Variants in HEXA observed in about 807,000 individuals in gnomAD.
HEXA encodes hexosaminidase subunit alpha.
HEXA carries 54 observed loss-of-function variants against 73.3 expected under a neutral mutation model. The ratio of observed to expected loss-of-function variants is 0.74; its 90% confidence interval spans 0.59 to 0.92. The LOEUF (loss-of-function observed/expected upper bound fraction) is 0.92, where lower values mean the gene tolerates loss of function less well. HEXA is among the 40% of genes least tolerant of loss of function. The pLI is 0.00. For missense variants in HEXA, 649 were observed against 653.0 expected (o/e 0.99, Z 0.07); for synonymous variants, 230 against 246.9 (o/e 0.93, Z 0.64).
chr15:72,354,069 A>C, intron 3 of HEXA: 10 of 379,388 alleles, frequency 2.6e-5, no homozygotes, highest in East Asian at 5.6e-5. Flanking sequence ...ACATATACTC[A>C]TGAGGACAGA....
intron 8 of HEXA, 124 bp from the exon 9 acceptor site, chr15:72,348,258 T>TC (rs1382942589): frequency 1.4e-6 from 1 of 732,690 alleles, no homozygotes; most frequent in Admixed American, 2.0e-5. Context: ...AGCAAGGATC[T>TC]CAGAAGCCCT....
Position 72,352,157 on chromosome 15 carries a change from C to T in HEXA, c.570+911G>A, listed in dbSNP as rs1217803955. Among the ~76,000 whole-genome samples, 9 of 152,084 alleles carry T rather than the reference C, an allele frequency of 5.9e-5. No homozygotes were observed. In the East Asian group the frequency reaches 1.4e-3, roughly 23 times the overall value. ...ATTTTCAGTAGAGATGGGGTTTCAC[C>T]GTCTTGGCCAGGTTAGTCTCAAACT... On this transcript the variant is annotated intron_variant, in intron 5 of 13. Coordinates refer to ENST00000268097, the MANE Select transcript of HEXA (RefSeq NM_000520.6).
intron 12 of HEXA, 155 bp downstream of exon 12, chr15:72,346,080 G>T: frequency 1.5e-6 from 1 of 667,820 alleles, no homozygotes; most frequent in South Asian, 1.7e-5. Context: ...AGTGAATATT[G>T]CACACAAATC....
At chr15:72,357,939 G>A (rs1403335702) in intron 1 of HEXA, 3 of 152,128 alleles carry the variant, frequency 2.0e-5, no homozygotes, top group African/African-American at 7.2e-5. Flanking sequence ...CTGCAAAGAG[G>A]AGGGAATCTG....
rs746518979 is a variant in HEXA, at chr15:72,348,074, C to T, written c.1047G>A (p.Lys349=). Residue 349 remains lysine (K), a synonymous_variant, in exon 9 of 14, where the codon AAG becomes AAA. Transcript: ENST00000268097. ...TCTGGATGTAGAAGGACTCCAGCTG[C>T]TTGAAGTCCTCACCGAAGCCTTTCT... is the stretch of plus-strand genomic sequence containing the variant. The part of the protein sequence containing the change: ...MRKKGFGEDF[K]QLESFYIQTL... 3.1e-6 allele frequency: 5 copies of T among 1,613,196 alleles called. No homozygotes were observed. In the Admixed American group the frequency reaches 6.7e-5, roughly 21 times the overall value.
rs2088682007 is a variant in HEXA, at chr15:72,350,591, T to C, written c.732A>G (p.Glu244=). 2 of 1,614,184 alleles carry C rather than the reference T, an allele frequency of 1.2e-6. No individual in the cohort carries two copies. Among genetic ancestry groups the C allele is most frequent in the Middle Eastern group, 1.7e-4 (1 of 6,048 alleles). The change falls in exon 7 of 14, where the codon GAA becomes GAG. Residue 244 remains glutamate, a synonymous_variant. Transcript: ENST00000268097. ...CACGGATACCCCGGAGCCGTGCGTA[T>C]TCAATGACCTCCTTCACATCCTGTG... ...YTAQDVKEVI[E]YARLRGIRVL...
At chr15:72,348,187 T>C (rs1595798469) in intron 8 of HEXA, 53 bp from the exon 9 acceptor site, 1 of 1,270,524 alleles carries the variant, frequency 7.9e-7, no homozygotes, top group East Asian at 2.3e-5. Context: ...GAAAGCCTAA[T>C]GCCTGGGGAT....
chr15:72,360,756 A>C (rs2088842722), intron 1 of HEXA, among the ~76,000 whole-genome samples: 1 of 152,158 alleles, frequency 6.6e-6, no homozygotes, highest in African/African-American at 2.4e-5. Context: ...TGGTTCTAAC[A>C]CTTTCTAGCT....
chr15:72,367,356 G>A (rs1213566155), intron 1 of HEXA, among the ~76,000 whole-genome samples: 1 of 152,154 alleles, frequency 6.6e-6, no homozygotes, highest in African/African-American at 2.4e-5. Flanking sequence ...AAATCTGGGA[G>A]TCATCCTCAG....
intron 1 of HEXA, chr15:72,360,122 T>C (rs1384716782): frequency 6.5e-6 from 1 of 153,142 alleles, no homozygotes; most frequent in Non-Finnish European, 1.5e-5. Flanking sequence ...GTCTCTTTTC[T>C]TCTGTCACAA....
In HEXA at chr15:72,344,143, G is replaced by A; in HGVS notation, c.1527-3C>T. 5 of 1,613,226 alleles carry A rather than the reference G, an allele frequency of 3.1e-6. No homozygotes were observed. Among genetic ancestry groups the A allele is most frequent in the Non-Finnish European group, 4.2e-6 (5 of 1,179,282 alleles). On this transcript the variant is annotated splice_region_variant and splice_polypyrimidine_tract_variant and intron_variant, in intron 13 of 13. Transcript: ENST00000268097. Reference sequence around the variant, plus strand: ...GGGGTTGGGCCTGGACACCTCGCCTGCAAGAGGACATGAAGAAATGGCAAG... The same window carrying A: ...GGGGTTGGGCCTGGACACCTCGCCTACAAGAGGACATGAAGAAATGGCAAG...
intron 13 of HEXA, 28 bp from the exon 14 acceptor site, chr15:72,344,168 G>C (rs1344203077): frequency 6.2e-7 from 1 of 1,601,414 alleles, no homozygotes. Context: ...GAAATGGCAA[G>C]ATAAGCCCCT....
chr15:72,365,230 C>T (rs1202648824), intron 1 of HEXA, among the ~76,000 whole-genome samples: 1 of 152,228 alleles, frequency 6.6e-6, no homozygotes, highest in East Asian at 1.9e-4. Flanking sequence ...GCTGGGACCA[C>T]AGGCGCACGC....
chr15:72,343,958 CAGGGGCACGCAGGCA>C lies in HEXA; in HGVS notation c.*104_*118del. 5.0e-6 allele frequency: 4 copies of C among 806,476 alleles called. No homozygotes were observed. The highest frequency in any genetic ancestry group is 2.5e-5 in the East Asian group (1 of 39,256). 50.0% of individuals were successfully genotyped at this position (806,476 alleles called of 1,614,324 possible). ...GCACCGGCCCCTTTCTCTCCAAGCACAGGGGCACGCAGGCAAGGGGCACGAAGGCAAGGGGCTCCG... is the reference window on the plus strand; with the variant it reads ...GCACCGGCCCCTTTCTCTCCAAGCACAGGGGCACGAAGGCAAGGGGCTCCG... On this transcript the variant is annotated 3_prime_UTR_variant, in exon 14 of 14. Transcript: ENST00000268097.
chr15:72,366,792 T>A (rs564858820), intron 1 of HEXA, among the ~76,000 whole-genome samples: 4 of 152,120 alleles, frequency 2.6e-5, no homozygotes, highest in Non-Finnish European at 5.9e-5. Flanking sequence ...TTTTGGACCT[T>A]CTTCTCCTCG....
chr15:72,343,044 A>G lies in HEXA; in HGVS notation c.*1033T>C, dbSNP rs1417129333. 2 of 152,166 alleles carry G rather than the reference A, an allele frequency of 1.3e-5. No individual in the cohort carries two copies. Among genetic ancestry groups the G allele is most frequent in the Non-Finnish European group, 2.9e-5 (2 of 68,056 alleles). 9.4% of individuals were successfully genotyped at this position (152,166 alleles called of 1,614,324 possible). A position where few individuals can be genotyped will look rare whatever the true frequency, so the allele number is the denominator to read the frequency against. On this transcript the variant is annotated 3_prime_UTR_variant, in exon 14 of 14. Coordinates refer to ENST00000268097, the MANE Select transcript of HEXA (RefSeq NM_000520.6). ...AGACCATCCTGGCTAACACGGAGAA[A>G]CCCCATCTCTACTAAAAATACAAAA...
chr15:72,368,316 G>A (rs898093257), intron 1 of HEXA, among the ~76,000 whole-genome samples: 8 of 152,166 alleles, frequency 5.3e-5, no homozygotes, highest in Admixed American at 3.3e-4. Flanking sequence ...TGACAAAGAC[G>A]TGTATGAGTA....
rs762704131 is a variant in HEXA, at chr15:72,348,089, G to A, written c.1032C>T (p.Phe344=). ...ACTCCAGCTGCTTGAAGTCCTCACC[G>A]AAGCCTTTCTTCCTCATAAAGTCCT... ...EIQDFMRKKG[F]GEDFKQLESF... The change falls in exon 9 of 14, where the codon TTC becomes TTT. Residue 344 remains phenylalanine, a synonymous_variant. Coordinates refer to ENST00000268097, the MANE Select transcript of HEXA (RefSeq NM_000520.6). 2.0e-5 allele frequency: 32 copies of A among 1,613,364 alleles called. No individual in the cohort carries two copies. In the Admixed American group the frequency reaches 2.8e-4, roughly 14 times the overall value.
chr15:72,348,048 G>A lies in HEXA; in HGVS notation c.1073C>T (p.Thr358Met), dbSNP rs552505619. The change falls in exon 9 of 14, where the codon ACG (threonine) becomes ATG (methionine). Residue 358 changes from threonine to methionine, a missense_variant and splice_region_variant. Coordinates refer to ENST00000268097, the MANE Select transcript of HEXA (RefSeq NM_000520.6). ...CCACCCACCCTCCTTCCTTCCTCAC[G>A]TCTGGATGTAGAAGGACTCCAGCTG... is the stretch of plus-strand genomic sequence containing the variant. ...FKQLESFYIQ[T>M]LLDIVSSYGK... 257 of 1,599,058 alleles carry A rather than the reference G, an allele frequency of 1.6e-4. 4 individuals carry two copies. Among genetic ancestry groups the A allele is most frequent in the South Asian group, 1.6e-3 (144 of 90,736 alleles).
Sources: gnomAD v4.1 joint callset for allele counts (sites outside exome capture counted in the v4.1 genomes callset) on GRCh38, gnomAD v4.1.1 for gene constraint, MANE v1.5 for transcripts, NCBI Gene and HGNC (gene_info 2026-07-23, HGNC 2026-07-21) for gene names.